AHNAK: variants seen among roughly 807,000 people sequenced by gnomAD.
AHNAK encodes AHNAK nucleoprotein.
Under a neutral mutation model 37.8 loss-of-function variants are expected in AHNAK, and 23 were observed. That is an observed-to-expected ratio of 0.61 (90% CI 0.44 to 0.86). The LOEUF is 0.86. Ranked by LOEUF, AHNAK falls within the 40% of genes least tolerant of loss-of-function variation. The pLI is 0.00. For missense variants in AHNAK, 7,411 were observed against 7,319.4 expected (o/e 1.01, Z -0.46); for synonymous variants, 2,481 against 2,636.3 (o/e 0.94, Z 1.80).
chr11:62,536,035 C>T lies in AHNAK; in HGVS notation c.64G>A (p.Gly22Arg), dbSNP rs1753978630. Residue 22 changes from glycine (G) to arginine (R), a missense_variant, in exon 3 of 5, where the codon GGG becomes AGG. Transcript: ENST00000378024. ...LPNWQGSGSH[G>R]LTIAQRDDGV... The stretch of plus-strand genomic sequence containing the variant: ...TCGTCCCTCTGGGCGATGGTCAGCC[C>T]GTGGGAGCCACTACCCTGCCAGTTG... 5.0e-6 allele frequency: 8 copies of T among 1,612,020 alleles called. No homozygotes were observed. The highest frequency in any genetic ancestry group is 4.2e-6 in the Non-Finnish European group (5 of 1,178,896).
chr11:62,506,820 C>T (rs1258114127), intron 4 of AHNAK, among the ~76,000 whole-genome samples: 6 of 152,138 alleles, frequency 3.9e-5, no homozygotes, highest in African/African-American at 1.4e-4. Context: ...GCAGGAGAGC[C>T]TCGGGAGGGA....
Position 62,526,690 on chromosome 11 carries a change from G to T in AHNAK, c.7727C>A (p.Ala2576Asp), listed in dbSNP as rs765143010. ...AAAGTCAGGCATGGAGATCTTGGGG[G>T]CTTTGATGTTCATCTCTGGCATCTT... ...KLKMPEMNIK[A>D]PKISMPDFDL... Residue 2576 changes from alanine to aspartate, a missense_variant, in exon 5 of 5, where the codon GCC becomes GAC. Physicochemically the swap from Ala to Asp is moderately radical, Grantham distance 126 (BLOSUM62 -2). Transcript: ENST00000378024. The T allele has an allele frequency of 4.3e-6, 7 of 1,612,114 alleles. No individual in the cohort carries two copies. In the African/African-American group the frequency reaches 6.7e-5, roughly 16 times the overall value.
chr11:62,441,926 C>T (rs757636171), intron 5 of AHNAK, among the ~76,000 whole-genome samples: 30 of 152,172 alleles, frequency 2.0e-4, no homozygotes, highest in Admixed American at 6.5e-5. Flanking sequence ...CCAGCAAGCC[C>T]TTGGTCAGGC....
At chr11:62,541,587 G>C (rs781588028) in intron 1 of AHNAK, among the ~76,000 whole-genome samples, 1 of 151,902 alleles carries the variant, frequency 6.6e-6, no homozygotes, top group Non-Finnish European at 1.5e-5. Flanking sequence ...GTTCCATGTT[G>C]AAAGAAAAAA....
rs141750211 is a variant in AHNAK, at chr11:62,528,032, G to T, written c.6385C>A (p.Pro2129Thr). ...ACATCCACATCCCCTTTGACTTTGGGGCCTTTCAAGTGTAAGTCCACATCA... is the reference window on the plus strand; with the variant it reads ...ACATCCACATCCCCTTTGACTTTGGTGCCTTTCAAGTGTAAGTCCACATCA... Reference protein sequence around the residue: ...MPDVDLHLKGPKVKGDVDVSL... With the variant: ...MPDVDLHLKGTKVKGDVDVSL... The change falls in exon 5 of 5, where the codon CCC becomes ACC. Residue 2129 changes from proline (P) to threonine (T), a missense_variant. Coordinates refer to ENST00000378024, the MANE Select transcript of AHNAK (RefSeq NM_001620.3). 6.2e-7 allele frequency: 1 copy of T among 1,613,768 alleles called. No individual in the cohort carries two copies. Among genetic ancestry groups the T allele is most frequent in the Admixed American group, 1.7e-5 (1 of 59,982 alleles).
chr11:62,454,926 ATTTATTTTT>A (rs1377478540), intron 5 of AHNAK, among the ~76,000 whole-genome samples: 2 of 87,684 alleles, frequency 2.3e-5, no homozygotes, highest in Non-Finnish European at 4.2e-5. Flanking sequence ...CTTTTTATTT[ATTTATTTTT>A]TTTTTTTTTT....
chr11:62,461,397 G>A (rs1938785075), intron 5 of AHNAK, among the ~76,000 whole-genome samples: 1 of 151,856 alleles, frequency 6.6e-6, no homozygotes, highest in Non-Finnish European at 1.5e-5. Context: ...GCCCACCTCG[G>A]CCTCCCAAAG....
At chr11:62,439,642 G>A (rs945122229) in intron 5 of AHNAK, among the ~76,000 whole-genome samples, 2 of 146,224 alleles carry the variant, frequency 1.4e-5, no homozygotes, top group African/African-American at 5.0e-5. Flanking sequence ...CTTTCTTTTT[G>A]GTTTGTTTTG....
At chr11:62,487,392 G>C (rs926793170) in intron 5 of AHNAK, among the ~76,000 whole-genome samples, 3 of 152,274 alleles carry the variant, frequency 2.0e-5, no homozygotes, top group Non-Finnish European at 2.9e-5. Flanking sequence ...ATGAGGGTAT[G>C]TGGCGTAAGG....
In AHNAK at chr11:62,468,369, A is replaced by AT. The variant is rs1491355141; in HGVS notation, c.442+23362_442+23363insA. Among the ~76,000 whole-genome samples the AT allele has an allele frequency of 6.8e-3, 990 of 145,782 alleles. 10 individuals carry two copies. Among genetic ancestry groups the AT allele is most frequent in the African/African-American group, 0.025 (929 of 37,702 alleles). On this transcript the variant is annotated intron_variant, in intron 5 of 5. Transcript: ENST00000257247. ...TCTCCCAAAAAAAAGAAAAAAAAAA[A>AT]AAATATATATATATATGGGGATTTT...
intron 5 of AHNAK, among the ~76,000 whole-genome samples, chr11:62,451,253 A>G (rs1327466539): frequency 1.3e-5 from 2 of 150,936 alleles, no homozygotes; most frequent in African/African-American, 4.8e-5. Flanking sequence ...CCAAGACCAG[A>G]GCAAAATGTC....
intron 4 of AHNAK, among the ~76,000 whole-genome samples, chr11:62,510,037 A>G (rs972083990): frequency 2.6e-5 from 4 of 151,548 alleles, no homozygotes; most frequent in African/African-American, 7.3e-5. Context: ...TAATTATTGT[A>G]TTGGAGTTTT....
chr11:62,499,673 T>TCCTAA lies in AHNAK; in HGVS notation c.343-7843_343-7842insTTAGG, dbSNP rs563540673. ...AGGGGAAAGGGGTGTGGCCGAGTGC[T>TCCTAA]GGTGGGGCTTAGGAGCTCCTGGCTC... On this transcript the variant is annotated intron_variant, in intron 4 of 5. Transcript: ENST00000257247. Among the ~76,000 whole-genome samples, 101 of 152,320 alleles carry TCCTAA rather than the reference T, an allele frequency of 6.6e-4. 1 individual carries two copies. The South Asian group carries it at 0.021, about 31-fold the overall frequency.
chr11:62,459,129 C>T (rs573534451), intron 5 of AHNAK, among the ~76,000 whole-genome samples: 5 of 152,116 alleles, frequency 3.3e-5, no homozygotes, highest in Admixed American at 6.6e-5. Context: ...AGCAGGGGTT[C>T]CCAAGCTCAC....
At chr11:62,459,764 A>G (rs1209231524) in intron 5 of AHNAK, among the ~76,000 whole-genome samples, 1 of 152,100 alleles carries the variant, frequency 6.6e-6, no homozygotes, top group Non-Finnish European at 1.5e-5. Flanking sequence ...GAGGTCAAAT[A>G]TCTTTCCCAA....
chr11:62,463,719 T>G (rs1302139763), intron 5 of AHNAK, among the ~76,000 whole-genome samples: 1 of 152,010 alleles, frequency 6.6e-6, no homozygotes, highest in Non-Finnish European at 1.5e-5. Flanking sequence ...TTGGTTGTTT[T>G]TTTGTTTGTT....
At chr11:62,486,422 A>G (rs976139225) in intron 5 of AHNAK, among the ~76,000 whole-genome samples, 4 of 152,080 alleles carry the variant, frequency 2.6e-5, no homozygotes, top group Admixed American at 6.6e-5. Flanking sequence ...GCGGTGAGCC[A>G]AGATTGTGCC....
In AHNAK at chr11:62,527,244, G is replaced by A. The variant is rs768116712; in HGVS notation, c.7173C>T (p.Leu2391=). ...FKAPKISMPD[L]DLHLKSPKAK... ...CCTTGGGGCTCTTCAAGTGTAGATC[G>A]AGGTCTGGCATAGAGATTTTGGGAG... The change falls in exon 5 of 5, where the codon CTC becomes CTT. Residue 2391 remains leucine (L), a synonymous_variant. Coordinates refer to ENST00000378024, the MANE Select transcript of AHNAK (RefSeq NM_001620.3). The A allele has an allele frequency of 1.9e-5, 27 of 1,436,298 alleles. No individual in the cohort carries two copies. The highest frequency in any genetic ancestry group is 7.5e-5 in the East Asian group (3 of 39,814). 89.0% of individuals were successfully genotyped at this position (1,436,298 alleles called of 1,614,324 possible). A position where few individuals can be genotyped will look rare whatever the true frequency, so the allele number is the denominator to read the frequency against.
rs936227250 is a variant in AHNAK at position 62,518,494 on chromosome 11, C to T, written c.15923G>A (p.Gly5308Glu). Residue 5308 changes from glycine to glutamate, a missense_variant, in exon 5 of 5, where the codon GGA (glycine) becomes GAA (glutamate). Coordinates refer to ENST00000378024, the MANE Select transcript of AHNAK (RefSeq NM_001620.3). ...ATCCAGGTCTCCCTTCAAACTTGGTCCTTTCAAGTTCAGATCAAGGTCAGG... is the reference window on the plus strand; with the variant it reads ...ATCCAGGTCTCCCTTCAAACTTGGTTCTTTCAAGTTCAGATCAAGGTCAGG... ...SGPDLDLNLK[G>E]PSLKGDLDAS... The T allele has an allele frequency of 6.2e-6, 10 of 1,614,080 alleles. No individual in the cohort carries two copies. Among genetic ancestry groups the T allele is most frequent in the Non-Finnish European group, 8.5e-6 (10 of 1,179,998 alleles).
Sources: allele counts gnomAD v4.1 joint callset (sites outside exome capture counted in the v4.1 genomes callset), GRCh38; gene constraint gnomAD v4.1.1; transcripts MANE v1.5; gene names NCBI Gene and HGNC (gene_info 2026-07-23, HGNC 2026-07-21).